SVOPL: variants seen among roughly 807,000 people sequenced by gnomAD.
SVOPL encodes the protein putative transporter SVOPL.
In SVOPL, 60 loss-of-function variants were observed where a neutral mutation model predicts 61.0. That is an observed-to-expected ratio of 0.98 (90% CI 0.80 to 1.22). SVOPL has a LOEUF of 1.22. Ranked by LOEUF, SVOPL falls within the 50% of genes most tolerant of loss-of-function variation. The pLI is 0.00. For missense variants in SVOPL, 662 were observed against 643.9 expected, an observed-to-expected ratio of 1.03 and a Z score of -0.30; for synonymous variants, 279 against 250.0, an observed-to-expected ratio of 1.12 and a Z score of -1.09.
At chr7:138,654,130 CA>C (rs34730936) in intron 7 of SVOPL, among the ~76,000 whole-genome samples, 268 of 99,186 alleles carry the variant, frequency 2.7e-3, no homozygotes, top group Middle Eastern at 6.3e-3. Context: ...AAGACTCCCT[CA>C]AAAAAAAAAA....
rs543562898 is a variant in SVOPL, at chr7:138,608,185, A to G, written c.1354-11655T>C. Among the ~76,000 whole-genome samples the G allele has an allele frequency of 8.5e-5, 13 of 152,306 alleles. 1 individual carries two copies. The South Asian group carries it at 1.0e-3, about 12-fold the overall frequency. ...GACAACGCTATCAGAAAAAAAGTCA[A>G]TTTTTCCTCTATTAGCTGTTACATT... On this transcript the variant is annotated intron_variant, in intron 14 of 15. Coordinates refer to ENST00000674285, the MANE Select transcript of SVOPL (RefSeq NM_001139456.2).
At chr7:138,685,956 G>A (rs1015533464) in intron 1 of SVOPL, among the ~76,000 whole-genome samples, 1 of 152,092 alleles carries the variant, frequency 6.6e-6, no homozygotes, top group Admixed American at 6.6e-5. Flanking sequence ...TGGTGGTGAT[G>A]GTTTCACAGT....
At chr7:138,615,095 C>T (rs773832533) in intron 14 of SVOPL, among the ~76,000 whole-genome samples, 10 of 152,108 alleles carry the variant, frequency 6.6e-5, no homozygotes, top group Non-Finnish European at 1.2e-4. Context: ...GCAGTGCACA[C>T]GTCACTGAAC....
At chr7:138,617,671 C>T (rs1015377507) in intron 14 of SVOPL, among the ~76,000 whole-genome samples, 17 of 152,048 alleles carry the variant, frequency 1.1e-4, no homozygotes, top group African/African-American at 4.1e-4. Context: ...CTCATCTCTA[C>T]TAAAATTCAA....
chr7:138,673,248 T>A (rs1802475713), intron 3 of SVOPL, among the ~76,000 whole-genome samples: 1 of 152,220 alleles, frequency 6.6e-6, no homozygotes, highest in Non-Finnish European at 1.5e-5. Context: ...GACTTTGAAG[T>A]ACACATATTA....
At chr7:138,619,340 T>C (rs1308164337) in intron 14 of SVOPL, among the ~76,000 whole-genome samples, 1 of 151,640 alleles carries the variant, frequency 6.6e-6, no homozygotes, top group African/African-American at 2.4e-5. Context: ...CCTGGGGGGA[T>C]TGAGGCTGCA....
At chr7:138,672,656 T>TTTTTAAAAAAAA (rs35924408) in intron 3 of SVOPL, among the ~76,000 whole-genome samples, 2 of 118,828 alleles carry the variant, frequency 1.7e-5, no homozygotes, top group African/African-American at 6.7e-5. Context: ...TTTTTGTGTT[T>TTTTTAAAAAAAA]AAAAAAAAAA....
intron 8 of SVOPL, among the ~76,000 whole-genome samples, chr7:138,648,638 G>T (rs1265985980): frequency 6.6e-6 from 1 of 152,032 alleles, no homozygotes; most frequent in Non-Finnish European, 1.5e-5. Context: ...AACCCGGGAG[G>T]CGGAGCTTGC....
intron 7 of SVOPL, 53 bp from the exon 8 acceptor site, chr7:138,649,190 A>G: frequency 9.1e-7 from 1 of 1,097,884 alleles, no homozygotes; most frequent in Non-Finnish European, 1.2e-6. Flanking sequence ...ATGACAATGA[A>G]AAAAAAAAAG....
chr7:138,644,745 G>T lies in SVOPL; in HGVS notation c.761C>A (p.Pro254Gln). Residue 254 changes from proline to glutamine, a missense_variant, in exon 9 of 16, where the codon CCG becomes CAG. By Grantham distance (76) the Pro-to-Gln change is moderately conservative. Transcript: ENST00000674285. ...GACGGGCTCCACCAGCTTCCCCTCC[G>T]GCATGACCGAGCGGTTCATCTTGGC... ...RVAKMNRSVM[P>Q]EGKLVEPVLE... 1.2e-6 allele frequency: 2 copies of T among 1,614,148 alleles called. No individual in the cohort carries two copies. Among genetic ancestry groups the T allele is most frequent in the Non-Finnish European group, 1.7e-6 (2 of 1,180,030 alleles).
chr7:138,650,310 C>T (rs931935977), intron 7 of SVOPL, among the ~76,000 whole-genome samples: 2 of 151,934 alleles, frequency 1.3e-5, no homozygotes, highest in African/African-American at 4.8e-5. Context: ...AGGGAGGGTC[C>T]GGGATGCCTC....
intron 9 of SVOPL, among the ~76,000 whole-genome samples, chr7:138,630,874 T>C (rs1036366291): frequency 7.3e-6 from 1 of 136,394 alleles, no homozygotes; most frequent in Admixed American, 8.0e-5. Flanking sequence ...ACCCAGGAGA[T>C]GGAGGTTGCA....
chr7:138,698,835 G>T (rs772482695), intron 1 of SVOPL, among the ~76,000 whole-genome samples: 67 of 152,122 alleles, frequency 4.4e-4, no homozygotes, highest in Non-Finnish European at 7.6e-4. Flanking sequence ...TAATCACAAA[G>T]CATTTACTCA....
Position 138,680,022 on chromosome 7 carries a change from G to A in SVOPL, c.-34-943C>T, listed in dbSNP as rs911795354. 5.9e-5 allele frequency among the ~76,000 whole-genome samples: 9 copies of A among 152,118 alleles called. No individual in the cohort carries two copies. In the South Asian group the frequency reaches 1.9e-3, roughly 32 times the overall value. ...GACCGGTAACCAACCTTGAGCCTGG[G>A]GCCAGACGCAGGCCTTGGCAATTTA... is the stretch of plus-strand genomic sequence containing the variant. On this transcript the variant is annotated intron_variant, in intron 1 of 15. Transcript: ENST00000674285.
intron 7 of SVOPL, among the ~76,000 whole-genome samples, chr7:138,651,974 A>G (rs953155705): frequency 1.3e-4 from 20 of 152,224 alleles, no homozygotes; most frequent in Admixed American, 1.1e-3. Context: ...ATCACGGCTC[A>G]CTGCAACCTC....
intron 9 of SVOPL, among the ~76,000 whole-genome samples, chr7:138,634,997 A>G (rs1659806): frequency 0.35 from 52,721 of 151,852 alleles, 11,150 homozygotes; most frequent in African/African-American, 0.6. Context: ...GGCCGGGCGC[A>G]GTGGCTCATG....
At chr7:138,625,305 T>G (rs1799844789) in intron 13 of SVOPL, 1 of 152,198 alleles carries the variant, frequency 6.6e-6, no homozygotes, top group Non-Finnish European at 1.5e-5. Flanking sequence ...GCAATAGACT[T>G]CCCCACTTCC....
intron 7 of SVOPL, among the ~76,000 whole-genome samples, chr7:138,653,767 C>T (rs535209041): frequency 4.2e-4 from 64 of 151,866 alleles, no homozygotes; most frequent in Non-Finnish European, 7.2e-4. Context: ...AACCATGTCT[C>T]ACTAAAAATA....
chr7:138,687,335 A>C (rs946006305), intron 1 of SVOPL, among the ~76,000 whole-genome samples: 7 of 142,310 alleles, frequency 4.9e-5, no homozygotes, highest in Non-Finnish European at 1.0e-4. Flanking sequence ...TCCTGAGTTC[A>C]AGTGATTATC....
Sources: gnomAD v4.1 joint callset for allele counts (sites outside exome capture counted in the v4.1 genomes callset) on GRCh38, gnomAD v4.1.1 for gene constraint, MANE v1.5 for transcripts, NCBI Gene and HGNC (gene_info 2026-07-23, HGNC 2026-07-21) for gene names.